PRDM10: variants seen among roughly 807,000 people sequenced by gnomAD.
PRDM10 encodes the protein PR/SET domain 10.
In PRDM10, 65 loss-of-function variants were observed where a neutral mutation model predicts 133.1. The observed-to-expected ratio is 0.49, with a 90% CI of 0.40 to 0.60. PRDM10 has a LOEUF of 0.60. PRDM10 is among the 20% of genes least tolerant of loss of function. The probability of loss-of-function intolerance (pLI) is 0.00; values close to 1 mark genes in which losing one functional copy is unlikely to be tolerated. For missense variants in PRDM10, 1,137 were observed against 1,507.1 expected (o/e 0.75, Z 4.07); for synonymous variants, 582 against 580.4 (o/e 1.00, Z -0.04).
chr11:129,933,532 A>T lies in PRDM10; in HGVS notation c.1158-1301T>A, dbSNP rs138531652. 3.3e-5 allele frequency among the ~76,000 whole-genome samples: 5 copies of T among 152,292 alleles called. No individual in the cohort carries two copies. The East Asian group carries it at 9.6e-4, about 29-fold the overall frequency. ...GAGAAATATCTGAGAGTTGCTGAGT[A>T]TTATTATATCTAGTCAAAGTTCAAA... is the stretch of plus-strand genomic sequence containing the variant. On this transcript the variant is annotated intron_variant, in intron 9 of 20. Coordinates refer to ENST00000360871, the MANE Select transcript of PRDM10 (RefSeq NM_199437.2).
chr11:129,928,635 T>C (rs972548606), intron 11 of PRDM10, among the ~76,000 whole-genome samples: 11 of 152,104 alleles, frequency 7.2e-5, no homozygotes, highest in Admixed American at 2.6e-4. Context: ...GCTCAAGCAA[T>C]CCACCTGCCT....
intron 1 of PRDM10, among the ~76,000 whole-genome samples, chr11:130,002,338 G>A (rs1591718727): frequency 6.6e-6 from 1 of 151,846 alleles, no homozygotes; most frequent in Non-Finnish European, 1.5e-5. Context: ...CGCAGGGGGA[G>A]GCTGCGCGCG....
In PRDM10 at chr11:129,945,549, T is replaced by C. The variant is rs547166368; in HGVS notation, c.521-537A>G. Reference sequence around the variant, plus strand: ...TGCGGTCTGAGAGTTCAGTGCATACTGTCTGATTAGATAATGCTAAAATGA... The same window carrying C: ...TGCGGTCTGAGAGTTCAGTGCATACCGTCTGATTAGATAATGCTAAAATGA... On this transcript the variant is annotated intron_variant, in intron 5 of 20. Transcript: ENST00000360871. The surrounding 1 kb of genome is among the most constrained non-coding windows in gnomAD (Gnocchi z 4.2). 6.6e-6 allele frequency among the ~76,000 whole-genome samples: 1 copy of C among 152,334 alleles called. No individual in the cohort carries two copies. Among genetic ancestry groups the C allele is most frequent in the Non-Finnish European group, 1.5e-5 (1 of 68,026 alleles).
chr11:129,943,910 T>C (rs1446513627), intron 6 of PRDM10, among the ~76,000 whole-genome samples: 2 of 151,850 alleles, frequency 1.3e-5, no homozygotes, highest in Non-Finnish European at 2.9e-5. Flanking sequence ...GGAGAATCGC[T>C]TGAACCTGGA....
At position 129,923,695 on chromosome 11, in the gene PRDM10, T is replaced by A. The variant is rs73016859; in HGVS notation, c.1879-292A>T. Among the ~76,000 whole-genome samples, 15,882 of 47,094 alleles carry A rather than the reference T, an allele frequency of 0.34. 1,374 individuals carry two copies. Among genetic ancestry groups the A allele is most frequent in the African/African-American group, 0.49 (7,685 of 15,812 alleles). The allele number at this position is 47,094 out of a possible 152,430, so 30.9% of individuals were successfully genotyped here. ...GAGAGAGAGAGAGAGAGAGAGAGAGTGCTTGCTTGGTCAAAGCCCTGATCA... is the reference window on the plus strand; with the variant it reads ...GAGAGAGAGAGAGAGAGAGAGAGAGAGCTTGCTTGGTCAAAGCCCTGATCA... On this transcript the variant is annotated intron_variant, in intron 12 of 20. Coordinates refer to ENST00000360871, the MANE Select transcript of PRDM10 (RefSeq NM_199437.2). This position sits in a 1 kb window ranked among gnomAD's most constrained non-coding sequence, Gnocchi z 4.4.
At chr11:129,971,610 C>T (rs544268075) in intron 1 of PRDM10, among the ~76,000 whole-genome samples, 31 of 151,918 alleles carry the variant, frequency 2.0e-4, no homozygotes, top group African/African-American at 7.3e-4. Flanking sequence ...CATAAAGGTT[C>T]TCCAAGGCCC....
chr11:129,979,488 G>C (rs1267882413), intron 1 of PRDM10, among the ~76,000 whole-genome samples: 1 of 152,044 alleles, frequency 6.6e-6, no homozygotes, highest in Non-Finnish European at 1.5e-5. Context: ...TCAGCTCCAG[G>C]GTGTGACCTT....
intron 11 of PRDM10, among the ~76,000 whole-genome samples, chr11:129,928,753 T>C (rs955448562): frequency 6.6e-6 from 1 of 152,114 alleles, no homozygotes; most frequent in African/African-American, 2.4e-5. Context: ...TTTGAAAGCC[T>C]TTGGTTGGCC....
At chr11:129,984,991 A>G (rs545355242) in intron 1 of PRDM10, among the ~76,000 whole-genome samples, 2 of 152,248 alleles carry the variant, frequency 1.3e-5, no homozygotes, top group Admixed American at 1.3e-4. Flanking sequence ...CAAAGCATTT[A>G]CCGTCAGTTA....
intron 17 of PRDM10, among the ~76,000 whole-genome samples, chr11:129,912,557 C>T (rs558733342): frequency 6.6e-6 from 1 of 151,816 alleles, no homozygotes; most frequent in South Asian, 2.1e-4. Flanking sequence ...CGAGACCGTC[C>T]TGGCTAACAT....
chr11:129,926,119 A>C (rs1434386397), intron 11 of PRDM10, among the ~76,000 whole-genome samples: 3 of 152,220 alleles, frequency 2.0e-5, no homozygotes, highest in Non-Finnish European at 2.9e-5. Flanking sequence ...CGACCAGGCA[A>C]TTCTGCTCTT....
chr11:129,904,446 C>T (rs1949948825), intron 20 of PRDM10, among the ~76,000 whole-genome samples: 1 of 152,184 alleles, frequency 6.6e-6, no homozygotes, highest in Non-Finnish European at 1.5e-5. Context: ...ATTATGAACA[C>T]AGCCAGCATG....
chr11:129,915,598 T>C (rs1329174465), intron 16 of PRDM10, 62 bp downstream of exon 16: 5 of 1,499,962 alleles, frequency 3.3e-6, no homozygotes, highest in Non-Finnish European at 4.5e-6. Context: ...GAAGCCACCT[T>C]TCCTTAAGAG....
At chr11:129,959,655 T>C (rs7924680) in intron 2 of PRDM10, among the ~76,000 whole-genome samples, 3,079 of 152,290 alleles carry the variant, frequency 0.02, 106 homozygotes, top group African/African-American at 0.065. Flanking sequence ...ATAAATAAGA[T>C]ATACCAAAAT....
At chr11:129,981,818 C>A (rs2135970133) in intron 1 of PRDM10, among the ~76,000 whole-genome samples, 1 of 152,092 alleles carries the variant, frequency 6.6e-6, no homozygotes, top group African/African-American at 2.4e-5. Flanking sequence ...ATTGCTTGAA[C>A]CTGGGAGGTG....
chr11:129,967,145 C>T (rs964911119), intron 1 of PRDM10, among the ~76,000 whole-genome samples: 2 of 152,168 alleles, frequency 1.3e-5, no homozygotes, highest in African/African-American at 4.8e-5. Flanking sequence ...AATCCCAACA[C>T]TTTGGGAGGC....
intron 1 of PRDM10, among the ~76,000 whole-genome samples, chr11:129,970,628 T>G (rs1284693534): frequency 6.7e-6 from 1 of 150,038 alleles, no homozygotes; most frequent in Non-Finnish European, 1.5e-5. Flanking sequence ...CACTGCAACC[T>G]CCGCCTCTTG....
Position 129,945,325 on chromosome 11 carries a change from G to A in PRDM10, c.521-313C>T, listed in dbSNP as rs1951370704. On this transcript the variant is annotated intron_variant, in intron 5 of 20. Coordinates refer to ENST00000360871, the MANE Select transcript of PRDM10 (RefSeq NM_199437.2). This position sits in a 1 kb window ranked among gnomAD's most constrained non-coding sequence, Gnocchi z 4.2. ...TTTACAAATCAATTACAACATGTCT[G>A]AAGAGTAAAAAGAGCGTATCAGGCT... Among the ~76,000 whole-genome samples, 1 of 152,166 alleles carries A rather than the reference G, an allele frequency of 6.6e-6. No individual in the cohort carries two copies. Among genetic ancestry groups the A allele is most frequent in the African/African-American group, 2.4e-5 (1 of 41,444 alleles).
Position 129,947,263 on chromosome 11 carries a change from C to T in PRDM10, c.402G>A (p.Glu134=), listed in dbSNP as rs771164638. The change falls in exon 5 of 21, where the codon GAG becomes GAA. Residue 134 remains glutamate (E), a synonymous_variant. Coordinates refer to ENST00000360871, the MANE Select transcript of PRDM10 (RefSeq NM_199437.2). The surrounding 1 kb of genome is among the most constrained non-coding windows in gnomAD (Gnocchi z 4.6). ...QTPLGRLEAK[E]EEDEDEDEDT... is the part of the protein sequence containing the mutation. ...CCTCGTCCTCATCCTCATCCTCTTC[C>T]TCTTTGGCCTCCAGTCTGCCTAGAG... 1.5e-5 allele frequency: 25 copies of T among 1,614,190 alleles called. No homozygotes were observed. In the East Asian group the frequency reaches 5.3e-4, roughly 35 times the overall value.
Sources: allele counts gnomAD v4.1 joint callset (sites outside exome capture counted in the v4.1 genomes callset), GRCh38; gene constraint gnomAD v4.1.1; non-coding constraint Gnocchi (gnomAD v3.1); transcripts MANE v1.5; gene names NCBI Gene and HGNC (gene_info 2026-07-23, HGNC 2026-07-21).